DPP6: variants seen among roughly 807,000 people sequenced by gnomAD.
DPP6 encodes dipeptidyl peptidase like 6.
DPP6 carries 69 observed loss-of-function variants against 122.6 expected under a neutral mutation model. The ratio of observed to expected loss-of-function variants is 0.56; its 90% CI spans 0.46 to 0.69. DPP6 has a LOEUF of 0.69. DPP6 is among the 30% of genes least tolerant of loss of function. DPP6 has a pLI of 0.00. For missense variants in DPP6, 928 were observed against 1,116.9 expected (o/e 0.83, Z 2.41); for synonymous variants, 418 against 433.1 (o/e 0.97, Z 0.43).
At chr7:154,126,854 G>A (rs528353317) in intron 1 of DPP6, among the ~76,000 whole-genome samples, 3 of 152,242 alleles carry the variant, frequency 2.0e-5, no homozygotes, top group East Asian at 1.9e-4. Flanking sequence ...TTTTGCTGCC[G>A]TTAAAGACTT....
In DPP6 at chr7:154,541,666, A is replaced by G. The variant is rs532511684; in HGVS notation, c.552+1040A>G. On this transcript the variant is annotated intron_variant, in intron 4 of 25. Coordinates refer to ENST00000377770, the MANE Select transcript of DPP6 (RefSeq NM_130797.4). ...AAAGGACAGAACTAAGGTTAAAGCT[A>G]TGTTAAAAAGCAAGAATTGAAACAG... Among the ~76,000 whole-genome samples, 14 of 152,346 alleles carry G rather than the reference A, an allele frequency of 9.2e-5. No individual in the cohort carries two copies. The East Asian group carries it at 1.9e-3, about 21-fold the overall frequency.
At chr7:154,229,557 T>A (rs1252482205) in intron 1 of DPP6, among the ~76,000 whole-genome samples, 1 of 152,258 alleles carries the variant, frequency 6.6e-6, no homozygotes, top group African/African-American at 2.4e-5. Flanking sequence ...CACAAATTGA[T>A]GTGGATGGAT....
the DPP6 span, among the ~76,000 whole-genome samples, chr7:153,771,127 C>G: frequency 1.3e-5 from 2 of 152,104 alleles, no homozygotes; most frequent in African/African-American, 4.8e-5. Flanking sequence ...CTGAGAAGTT[C>G]AAGAATACTC....
intron 8 of DPP6, among the ~76,000 whole-genome samples, chr7:154,752,393 G>A (rs1873087): frequency 0.094 from 14,308 of 152,184 alleles, 926 homozygotes; most frequent in Non-Finnish European, 0.14. Context: ...GGCAAGGAGC[G>A]GGCCTTGCTA....
chr7:153,855,373 G>C, the DPP6 span, among the ~76,000 whole-genome samples: 1 of 151,984 alleles, frequency 6.6e-6, no homozygotes, highest in Non-Finnish European at 1.5e-5. Flanking sequence ...AAGGGAGCGG[G>C]GATTCTTTCC....
At chr7:154,398,816 T>A (rs80287567) in intron 1 of DPP6, among the ~76,000 whole-genome samples, 1 of 152,188 alleles carries the variant, frequency 6.6e-6, no homozygotes, top group Admixed American at 6.5e-5. Flanking sequence ...TCTATCTATC[T>A]CAGACGTTCT....
intron 5 of DPP6, among the ~76,000 whole-genome samples, chr7:154,593,478 C>T (rs911966080): frequency 2.6e-5 from 4 of 152,206 alleles, no homozygotes; most frequent in Non-Finnish European, 5.9e-5. Flanking sequence ...TATGAATTGG[C>T]CTCACTTGGA....
intron 8 of DPP6, among the ~76,000 whole-genome samples, chr7:154,761,915 A>G (rs185131999): frequency 2.0e-5 from 3 of 152,052 alleles, no homozygotes; most frequent in Non-Finnish European, 4.4e-5. Context: ...TCATTGTTCA[A>G]TTCCCACCTA....
intron 1 of DPP6, among the ~76,000 whole-genome samples, chr7:154,007,338 GT>G (rs1797953347): frequency 1.3e-5 from 2 of 152,132 alleles, no homozygotes. Flanking sequence ...TACAATAGTG[GT>G]TTTCAAAGTT....
At chr7:154,711,119 C>T (rs773798049) in intron 7 of DPP6, among the ~76,000 whole-genome samples, 6 of 152,128 alleles carry the variant, frequency 3.9e-5, no homozygotes, top group South Asian at 2.1e-4. Context: ...TTAGGAAAGC[C>T]GCTATAATGT....
intron 8 of DPP6, among the ~76,000 whole-genome samples, chr7:154,759,871 C>T (rs1228143051): frequency 6.6e-6 from 1 of 152,212 alleles, no homozygotes; most frequent in African/African-American, 2.4e-5. Flanking sequence ...GGCGTGGTGG[C>T]TCATGGCCTT....
chr7:153,857,633 G>A, the DPP6 span, among the ~76,000 whole-genome samples: 1 of 152,156 alleles, frequency 6.6e-6, no homozygotes, highest in East Asian at 1.9e-4. Context: ...CACTGTTCAT[G>A]CAGAATTGAG....
At chr7:154,097,265 T>C (rs200237333) in intron 1 of DPP6, among the ~76,000 whole-genome samples, 5,650 of 149,926 alleles carry the variant, frequency 0.038, no homozygotes, top group East Asian at 0.2. Flanking sequence ...AACACCCTCA[T>C]AAGTGGGCTT....
At chr7:154,203,356 CCT>C (rs1799269618) in intron 1 of DPP6, among the ~76,000 whole-genome samples, 1 of 152,158 alleles carries the variant, frequency 6.6e-6, no homozygotes, top group African/African-American at 2.4e-5. Flanking sequence ...TTTCCAGTAT[CCT>C]CTACATGCCA....
At chr7:153,828,721 T>A in the DPP6 span, among the ~76,000 whole-genome samples, 3 of 152,190 alleles carry the variant, frequency 2.0e-5, no homozygotes, top group African/African-American at 7.2e-5. Context: ...GAGAAGAAGC[T>A]AGGAATTTGC....
At chr7:154,683,620 CAT>C (rs1839418431) in intron 7 of DPP6, among the ~76,000 whole-genome samples, 1 of 152,140 alleles carries the variant, frequency 6.6e-6, no homozygotes, top group African/African-American at 2.4e-5. Flanking sequence ...CAAATATAAT[CAT>C]GTCCATTTTC....
At chr7:154,268,880 T>A (rs146177117) in intron 1 of DPP6, among the ~76,000 whole-genome samples, 30 of 150,892 alleles carry the variant, frequency 2.0e-4, no homozygotes, top group African/African-American at 6.3e-4. Flanking sequence ...TAGAACCTTG[T>A]AAATTGCCTT....
chr7:153,806,633 C>G, the DPP6 span, among the ~76,000 whole-genome samples: 1 of 151,974 alleles, frequency 6.6e-6, no homozygotes, highest in Non-Finnish European at 1.5e-5. Context: ...ACTTACATGT[C>G]TCATCATTCC....
chr7:154,371,526 AAGG>A lies in DPP6; in HGVS notation c.244-74685_244-74683del, dbSNP rs374477834. 4.7e-4 allele frequency among the ~76,000 whole-genome samples: 72 copies of A among 152,208 alleles called. 1 individual carries two copies. The South Asian group carries it at 0.014, about 30-fold the overall frequency. On this transcript the variant is annotated intron_variant, in intron 1 of 25. Transcript: ENST00000377770. ...CTCCTGAGTAGGCTCAAGCTTCTGA[AAGG>A]AGAGAAAGTGGGAGTGGTTGATATT... is the stretch of plus-strand genomic sequence containing the variant.
Sources: gnomAD v4.1 joint callset for allele counts (sites outside exome capture counted in the v4.1 genomes callset) on GRCh38, gnomAD v4.1.1 for gene constraint, MANE v1.5 for transcripts, NCBI Gene and HGNC (gene_info 2026-07-23, HGNC 2026-07-21) for gene names.